CCDC187: variants seen among roughly 807,000 people sequenced by gnomAD.
CCDC187 encodes coiled-coil domain-containing protein 187.
CCDC187 carries 32 observed loss-of-function variants against 38.0 expected under a neutral mutation model. The ratio of observed to expected loss-of-function variants is 0.84; its 90% CI spans 0.64 to 1.13. The LOEUF (loss-of-function observed/expected upper bound fraction) is 1.13, where lower values mean the gene tolerates loss of function less well. Among genes scored for constraint, CCDC187 ranks in the 50% most tolerant of loss-of-function variants. The pLI is 0.00. For missense variants in CCDC187, 707 were observed against 786.8 expected (o/e 0.90, Z 1.21); for synonymous variants, 333 against 347.9 (o/e 0.96, Z 0.48).
intron 3 of CCDC187, among the ~76,000 whole-genome samples, chr9:136,298,448 C>G (rs1831590052): frequency 1.3e-5 from 2 of 152,260 alleles, no homozygotes; most frequent in South Asian, 4.1e-4. Context: ...GGGCCCGGCT[C>G]CAGAGGCTGG....
chr9:136,258,942 C>A lies in CCDC187; in HGVS notation c.4356G>T (p.Glu1452Asp). 1.0e-6 allele frequency: 1 copy of A among 985,336 alleles called. No individual in the cohort carries two copies. The highest frequency in any genetic ancestry group is 1.2e-6 in the Non-Finnish European group (1 of 829,976). 61.0% of individuals were successfully genotyped at this position (985,336 alleles called of 1,614,324 possible). ...TTCCAGGGTGCTTACCTGGGGGTGG[C>A]TCCTTCACCTCCCGAGACCTGCACT... is the stretch of plus-strand genomic sequence containing the variant. ...TAQCRSREVK[E>D]PPPGDPQTKP... The change falls in exon 22 of 26, where the codon GAG becomes GAT. Residue 1452 changes from glutamate (E) to aspartate (D), a missense_variant. Physicochemically the swap from Glu to Asp is conservative, Grantham distance 45. Transcript: ENST00000638797. The surrounding 1 kb of genome is among the most constrained non-coding windows in gnomAD (Gnocchi z 4.3).
Position 136,265,176 on chromosome 9 carries a change from G to T in CCDC187, c.3735+780C>A, listed in dbSNP as rs575485206. 2.0e-5 allele frequency among the ~76,000 whole-genome samples: 3 copies of T among 152,368 alleles called. No individual in the cohort carries two copies. The East Asian group carries it at 5.8e-4, about 29-fold the overall frequency. On this transcript the variant is annotated intron_variant, in intron 17 of 25. Transcript: ENST00000638797. Reference sequence around the variant, plus strand: ...AGCCCTTGAGCCTGTGACCTGGGCAGGGGCCGGCAAGGGTCCTCGTCCTGG... The same window carrying T: ...AGCCCTTGAGCCTGTGACCTGGGCATGGGCCGGCAAGGGTCCTCGTCCTGG...
At chr9:136,266,191 G>T in intron 16 of CCDC187, 148 bp from the exon 17 acceptor site, 1 of 270,758 alleles carries the variant, frequency 3.7e-6, no homozygotes, top group Non-Finnish European at 5.7e-6. Flanking sequence ...AGCCATGCGT[G>T]GACAGGCTTG....
At chr9:136,271,929 G>C (rs1830847464) in intron 14 of CCDC187, among the ~76,000 whole-genome samples, 1 of 152,126 alleles carries the variant, frequency 6.6e-6, no homozygotes, top group African/African-American at 2.4e-5. Context: ...AGCAGCCAGA[G>C]AAACAAAGAC....
chr9:136,262,347 C>T lies in CCDC187; in HGVS notation c.4028G>A (p.Arg1343His), dbSNP rs1830689113. The T allele has an allele frequency of 2.0e-6, 2 of 986,924 alleles. No homozygotes were observed. The highest frequency in any genetic ancestry group is 2.4e-6 in the Non-Finnish European group (2 of 831,118). 61.1% of individuals were successfully genotyped at this position (986,924 alleles called of 1,614,324 possible). A position where few individuals can be genotyped will look rare whatever the true frequency, so the allele number is the denominator to read the frequency against. The change falls in exon 19 of 26, where the codon CGC becomes CAC. Residue 1343 changes from arginine to histidine, a missense_variant. By Grantham distance (29) the Arg-to-His change is conservative. Transcript: ENST00000638797. ...TGAGCTTGCGGGGCTGCTCTGGGGGCGATGGCTGGTGGAGCTGCTGGGCCT... is the reference window on the plus strand; with the variant it reads ...TGAGCTTGCGGGGCTGCTCTGGGGGTGATGGCTGGTGGAGCTGCTGGGCCT... ...PCRPSSSTSH[R>H]PQSSPASSKA...
rs1588653024 is a variant in CCDC187 at position 136,264,759 on chromosome 9, A to G, written c.3736-961T>C. ...GCAAAGTAGTCCCCCACCCCAGCTC[A>G]CCTTTTTTTTTTTTGAAACAAGGTC... On this transcript the variant is annotated intron_variant, in intron 17 of 25. Transcript: ENST00000638797. This position sits in a 1 kb window ranked among gnomAD's most constrained non-coding sequence, Gnocchi z 4.3. Among the ~76,000 whole-genome samples, 2 of 138,240 alleles carry G rather than the reference A, an allele frequency of 1.4e-5. No homozygotes were observed. The highest frequency in any genetic ancestry group is 2.6e-5 in the African/African-American group (1 of 37,988). 90.7% of individuals were successfully genotyped at this position (138,240 alleles called of 152,430 possible).
In CCDC187 at chr9:136,281,414, G is replaced by A. The variant is rs1831037859; in HGVS notation, c.3040+137C>T. On this transcript the variant is annotated intron_variant, in intron 10 of 25. Coordinates refer to ENST00000638797, the MANE Select transcript of CCDC187 (RefSeq NM_001378188.1). ...TCTAAAACCTTTAATAACGAGGCGTGGATGCTCTCCACGTGGAAAAGGATT... is the reference window on the plus strand; with the variant it reads ...TCTAAAACCTTTAATAACGAGGCGTAGATGCTCTCCACGTGGAAAAGGATT... The A allele has an allele frequency of 1.0e-5, 4 of 398,462 alleles. No homozygotes were observed. The Admixed American group carries it at 1.3e-4, about 13-fold the overall frequency. 24.7% of individuals were successfully genotyped at this position (398,462 alleles called of 1,614,324 possible).
At chr9:136,293,019 C>T (rs1192537655) in intron 4 of CCDC187, among the ~76,000 whole-genome samples, 1 of 152,260 alleles carries the variant, frequency 6.6e-6, no homozygotes, top group East Asian at 1.9e-4. Flanking sequence ...CCCACCAGCC[C>T]CGTGGGCCCA....
chr9:136,256,109 GGAGA>G (rs1830608963), intron 24 of CCDC187, 98 bp downstream of exon 24: 2 of 557,988 alleles, frequency 3.6e-6, no homozygotes, highest in Non-Finnish European at 4.6e-6. Flanking sequence ...AGGTGTGCCA[GGAGA>G]GAGTGAGGGT....
In CCDC187 at chr9:136,286,716, A is replaced by T. The variant is rs1831191335; in HGVS notation, c.2223-21T>A. 4 of 398,776 alleles carry T rather than the reference A, an allele frequency of 1.0e-5. No homozygotes were observed. In the East Asian group the frequency reaches 1.4e-4, roughly 14 times the overall value. The allele number at this position is 398,776 out of a possible 1,614,324, so 24.7% of individuals were successfully genotyped here. A position where few individuals can be genotyped will look rare whatever the true frequency, so the allele number is the denominator to read the frequency against. On this transcript the variant is annotated intron_variant, in intron 7 of 25. Coordinates refer to ENST00000638797, the MANE Select transcript of CCDC187 (RefSeq NM_001378188.1). Reference sequence around the variant, plus strand: ...AGAAGCTGCAGGAAGAGAGACGTGGACAGATCAGCTCAGGCTCGGTCGCCC... The same window carrying T: ...AGAAGCTGCAGGAAGAGAGACGTGGTCAGATCAGCTCAGGCTCGGTCGCCC...
intron 10 of CCDC187, among the ~76,000 whole-genome samples, chr9:136,279,167 G>A (rs1320830975): frequency 6.6e-6 from 1 of 152,118 alleles, no homozygotes; most frequent in African/African-American, 2.4e-5. Context: ...TGGTCTAGGT[G>A]TTTAAATCTA....
chr9:136,296,546 A>G (rs1415789299), intron 4 of CCDC187: 2 of 152,342 alleles, frequency 1.3e-5, no homozygotes, highest in Non-Finnish European at 2.9e-5. Flanking sequence ...AAATGGGAGC[A>G]AGACTGCCAA....
At chr9:136,288,378 C>T (rs1329183484) in intron 7 of CCDC187, among the ~76,000 whole-genome samples, 4 of 152,132 alleles carry the variant, frequency 2.6e-5, no homozygotes, top group Non-Finnish European at 5.9e-5. Context: ...TCCCAGGGGC[C>T]AGCCTGAAGC....
rs1830707695 is a variant in CCDC187, at chr9:136,263,713, G to T, written c.3821C>A (p.Ser1274Tyr). The change falls in exon 18 of 26, where the codon TCC becomes TAC. Residue 1274 changes from serine (S) to tyrosine (Y), a missense_variant. Ser to Tyr is a moderately radical substitution (Grantham distance 144, BLOSUM62 -2). Transcript: ENST00000638797. ...LLLQHQRDVV[S>Y]MPGPVDILPI... ...GAGGATGTCCACAGGCCCCGGCATG[G>T]AGACGACGTCCCTCTGATGCTGCAG... The T allele has an allele frequency of 1.0e-6, 1 of 985,490 alleles. No homozygotes were observed. The highest frequency in any genetic ancestry group is 1.2e-6 in the Non-Finnish European group (1 of 829,930). The allele number at this position is 985,490 out of a possible 1,614,324, so 61.0% of individuals were successfully genotyped here.
In CCDC187 at chr9:136,254,999, G is replaced by A. The variant is rs782576009; in HGVS notation, c.4829C>T (p.Thr1610Met). 5.1e-5 allele frequency: 50 copies of A among 985,372 alleles called. No individual in the cohort carries two copies. The highest frequency in any genetic ancestry group is 7.0e-5 in the African/African-American group (4 of 57,228). 61.0% of individuals were successfully genotyped at this position (985,372 alleles called of 1,614,324 possible). ...TGCTGGGGAGGTGTGGGATGACACC[G>A]TGGCTTCTTCCGAAGGCCCCCAGCA... ...GTCWGPSEEA[T>M]VSSHTSPAGS... Residue 1610 changes from threonine to methionine, a missense_variant, in exon 26 of 26, where the codon ACG becomes ATG. Thr to Met is a moderately conservative substitution (Grantham distance 81). Coordinates refer to ENST00000638797, the MANE Select transcript of CCDC187 (RefSeq NM_001378188.1).
At position 136,300,895 on chromosome 9, in the gene CCDC187, C is replaced by T. The variant is rs930832764; in HGVS notation, c.626-577G>A. Among the ~76,000 whole-genome samples the T allele has an allele frequency of 2.0e-4, 30 of 152,370 alleles. No homozygotes were observed. In the East Asian group the frequency reaches 3.5e-3, roughly 18 times the overall value. ...GGATTACAGGCGTGAGCCACCGCGCCCAGCCTCAAAAACTTTTGAATAGCA... is the reference window on the plus strand; with the variant it reads ...GGATTACAGGCGTGAGCCACCGCGCTCAGCCTCAAAAACTTTTGAATAGCA... On this transcript the variant is annotated intron_variant, in intron 2 of 25. Transcript: ENST00000638797.
In CCDC187 at chr9:136,267,283, G is replaced by A. The variant is rs570664403; in HGVS notation, c.3647+101C>T. On this transcript the variant is annotated intron_variant, in intron 16 of 25. Transcript: ENST00000638797. ...AAAACGCTGTCGGGGCCACGGGCGG[G>A]ACCCGGACGGGGCAGGGAGGGGGCG... 129 of 838,598 alleles carry A rather than the reference G, an allele frequency of 1.5e-4. No homozygotes were observed. In the South Asian group the frequency reaches 4.3e-3, roughly 28 times the overall value. 51.9% of individuals were successfully genotyped at this position (838,598 alleles called of 1,614,324 possible).
intron 6 of CCDC187, 34 bp from the exon 7 acceptor site, chr9:136,290,087 G>A (rs1050459408): frequency 2.8e-5 from 11 of 398,592 alleles, no homozygotes; most frequent in South Asian, 1.3e-4. Flanking sequence ...AGAGCCCCCC[G>A]CTCGGGAAGA....
At chr9:136,281,294 A>G (rs1831034877) in intron 10 of CCDC187, 2 of 397,764 alleles carry the variant, frequency 5.0e-6, no homozygotes, top group African/African-American at 2.1e-5. Flanking sequence ...GGCACGGGGC[A>G]TGGCTGTCAT....
Sources: allele counts gnomAD v4.1 joint callset (sites outside exome capture counted in the v4.1 genomes callset), GRCh38; gene constraint gnomAD v4.1.1; non-coding constraint Gnocchi (gnomAD v3.1); transcripts MANE v1.5; gene names NCBI Gene and HGNC (gene_info 2026-07-23, HGNC 2026-07-21).